Variants in PRKN observed in about 807,000 individuals in gnomAD.
PRKN encodes E3 ubiquitin-protein ligase parkin.
In PRKN, 56 loss-of-function variants were observed where a neutral mutation model predicts 59.5. That is an observed-to-expected ratio of 0.94 (90% confidence interval 0.76 to 1.18). PRKN has a LOEUF of 1.18. Among genes scored for constraint, PRKN ranks in the 50% most tolerant of loss-of-function variants. PRKN has a pLI of 0.00. For synonymous variants in PRKN, 250 were observed against 222.1 expected (o/e 1.13, Z -1.12); for missense variants, 657 against 596.4 (o/e 1.10, Z -1.06).
chr6:161,779,995 T>C (rs1324142596), intron 7 of PRKN, among the ~76,000 whole-genome samples: 1 of 152,194 alleles, frequency 6.6e-6, no homozygotes, highest in Non-Finnish European at 1.5e-5. Context: ...TATGTATATG[T>C]TTACTGGAGT....
intron 3 of PRKN, among the ~76,000 whole-genome samples, chr6:162,235,648 A>C (rs1487396021): frequency 6.6e-6 from 1 of 151,968 alleles, no homozygotes; most frequent in Non-Finnish European, 1.5e-5. Context: ...TCTACTAAAA[A>C]AATACAAAAA....
In PRKN at chr6:162,442,838, C is replaced by T. The variant is rs540580915; in HGVS notation, c.171+472G>A. ...AGCTAGTTGCCAATGGGCCCCGGAGCCCACACCTCCTCTAGCGCAGCATAG... is the reference window on the plus strand; with the variant it reads ...AGCTAGTTGCCAATGGGCCCCGGAGTCCACACCTCCTCTAGCGCAGCATAG... On this transcript the variant is annotated intron_variant, in intron 2 of 11. Transcript: ENST00000366898. 2.0e-5 allele frequency among the ~76,000 whole-genome samples: 3 copies of T among 152,282 alleles called. No homozygotes were observed. In the South Asian group the frequency reaches 6.2e-4, roughly 32 times the overall value.
intron 2 of PRKN, among the ~76,000 whole-genome samples, chr6:162,305,609 C>T (rs969807061): frequency 3.0e-4 from 45 of 152,062 alleles, no homozygotes; most frequent in African/African-American, 1.1e-3. Context: ...ACTATGAGTG[C>T]ATGACATTCT....
rs1312718879 is a variant in PRKN, at chr6:161,554,734, GTA to G, written c.934-5733_934-5732del. On this transcript the variant is annotated intron_variant, in intron 8 of 11. Coordinates refer to ENST00000366898, the MANE Select transcript of PRKN (RefSeq NM_004562.3). This position sits in a 1 kb window ranked among gnomAD's most constrained non-coding sequence, Gnocchi z 4.5. ...GGATTGTGTGTGTGTGTGTGTGTGT[GTA>G]TATATATATATATATATACATACAC... Among the ~76,000 whole-genome samples, 2,354 of 140,916 alleles carry G rather than the reference GTA, an allele frequency of 0.017. 37 individuals are homozygous for G. Among genetic ancestry groups the G allele is most frequent in the African/African-American group, 0.049 (1,854 of 37,686 alleles). 92.4% of individuals were successfully genotyped at this position (140,916 alleles called of 152,430 possible).
intron 5 of PRKN, among the ~76,000 whole-genome samples, chr6:162,053,334 C>T (rs1344051007): frequency 3.5e-4 from 53 of 152,282 alleles, no homozygotes; most frequent in Non-Finnish European, 1.2e-4. Flanking sequence ...GGAACTAAGG[C>T]TGACATTTGT....
intron 7 of PRKN, among the ~76,000 whole-genome samples, chr6:161,605,786 A>G (rs1159002504): frequency 6.6e-6 from 1 of 152,172 alleles, no homozygotes; most frequent in Non-Finnish European, 1.5e-5. Flanking sequence ...CTGGGATTAC[A>G]GGTATGAGCC....
intron 2 of PRKN, among the ~76,000 whole-genome samples, chr6:162,372,519 G>A (rs919240051): frequency 4.9e-4 from 75 of 152,058 alleles, no homozygotes; most frequent in African/African-American, 1.6e-3. Flanking sequence ...GGGTAAACAC[G>A]GACATAAATA....
chr6:162,034,405 A>T (rs922014097), intron 5 of PRKN, among the ~76,000 whole-genome samples: 4 of 152,128 alleles, frequency 2.6e-5, no homozygotes, highest in African/African-American at 9.7e-5. Flanking sequence ...TTCTTGCTCC[A>T]ATGCCTTTAA....
chr6:162,281,430 GAAAAT>G (rs1367628094), intron 2 of PRKN, among the ~76,000 whole-genome samples: 3 of 151,468 alleles, frequency 2.0e-5, no homozygotes, highest in Non-Finnish European at 4.4e-5. Flanking sequence ...AAAAAAATAA[GAAAAT>G]AAGAAATGCG....
chr6:162,280,459 A>C (rs1241990332), intron 2 of PRKN, among the ~76,000 whole-genome samples: 3 of 151,946 alleles, frequency 2.0e-5, no homozygotes, highest in Non-Finnish European at 2.9e-5. Context: ...CCCTAACATC[A>C]CCATTAAAAG....
rs1779840123 is a variant in PRKN at position 161,547,538 on chromosome 6, T to C, written c.1083+1316A>G. Among the ~76,000 whole-genome samples the C allele has an allele frequency of 6.6e-6, 1 of 152,238 alleles. No individual in the cohort carries two copies. The highest frequency in any genetic ancestry group is 6.5e-5 in the Admixed American group (1 of 15,284). The stretch of plus-strand genomic sequence containing the variant: ...TACCTCCTAAGAAAAGTTAAAATCT[T>C]AAAATCCAGCTTTAGAGGATGGAAC... On this transcript the variant is annotated intron_variant, in intron 9 of 11. Coordinates refer to ENST00000366898, the MANE Select transcript of PRKN (RefSeq NM_004562.3). This position sits in a 1 kb window ranked among gnomAD's most constrained non-coding sequence, Gnocchi z 4.0.
chr6:162,106,453 T>C (rs1337807252), intron 4 of PRKN, among the ~76,000 whole-genome samples: 3 of 151,450 alleles, frequency 2.0e-5, no homozygotes, highest in African/African-American at 7.3e-5. Context: ...ATTACATCCA[T>C]AATTAAAGAT....
intron 6 of PRKN, among the ~76,000 whole-genome samples, chr6:161,856,555 T>C (rs1192043748): frequency 6.6e-6 from 1 of 152,116 alleles, no homozygotes; most frequent in African/African-American, 2.4e-5. Flanking sequence ...TAGTAGCACA[T>C]TTTTACCATA....
intron 7 of PRKN, among the ~76,000 whole-genome samples, chr6:161,574,579 ACT>A (rs1204802065): frequency 6.6e-6 from 1 of 151,918 alleles, no homozygotes; most frequent in Non-Finnish European, 1.5e-5. Flanking sequence ...CTGGTATCAA[ACT>A]CACTGCTTTT....
chr6:162,469,561 G>A (rs895786614), intron 1 of PRKN, among the ~76,000 whole-genome samples: 1 of 151,784 alleles, frequency 6.6e-6, no homozygotes, highest in Non-Finnish European at 1.5e-5. Context: ...TAAAAGGAAT[G>A]AATTAATGGC....
chr6:161,896,493 G>A (rs1047181968), intron 6 of PRKN, among the ~76,000 whole-genome samples: 3 of 152,128 alleles, frequency 2.0e-5, no homozygotes, highest in African/African-American at 7.2e-5. Flanking sequence ...TCCACCAGCT[G>A]AGCACCACCA....
At chr6:162,573,068 C>G (rs981984436) in intron 1 of PRKN, among the ~76,000 whole-genome samples, 2 of 152,166 alleles carry the variant, frequency 1.3e-5, no homozygotes, top group Admixed American at 6.5e-5. Flanking sequence ...TCAAAATCAT[C>G]TCTTAATTTT....
At chr6:161,791,007 C>A (rs1433937896) in intron 6 of PRKN, among the ~76,000 whole-genome samples, 1 of 152,056 alleles carries the variant, frequency 6.6e-6, no homozygotes, top group Non-Finnish European at 1.5e-5. Context: ...CAGGACTTAT[C>A]CTCTCATGGG....
rs77784422 is a variant in PRKN, at chr6:161,361,746, C to A, written c.1168-1541G>T. ...CAGGGTGTCACGTGATTTGTGAATACTTTGCTAGAATAACGTGGAGTCAGC... is the reference window on the plus strand; with the variant it reads ...CAGGGTGTCACGTGATTTGTGAATAATTTGCTAGAATAACGTGGAGTCAGC... On this transcript the variant is annotated intron_variant, in intron 10 of 11. Coordinates refer to ENST00000366898, the MANE Select transcript of PRKN (RefSeq NM_004562.3). The surrounding 1 kb of genome is among the most constrained non-coding windows in gnomAD (Gnocchi z 5.2). 2.6e-5 allele frequency among the ~76,000 whole-genome samples: 4 copies of A among 152,202 alleles called. No homozygotes were observed. The highest frequency in any genetic ancestry group is 9.6e-5 in the African/African-American group (4 of 41,454).
Sources: gnomAD v4.1 joint callset for allele counts (sites outside exome capture counted in the v4.1 genomes callset) on GRCh38, gnomAD v4.1.1 for gene constraint, Gnocchi (gnomAD v3.1) non-coding constraint, MANE v1.5 for transcripts, NCBI Gene and HGNC (gene_info 2026-07-23, HGNC 2026-07-21) for gene names.